PIP5KL1: variants seen among roughly 807,000 people sequenced by gnomAD.
PIP5KL1 encodes phosphatidylinositol-4-phosphate 5-kinase like 1, also known as phosphatidylinositol 4-phosphate 5-kinase-like protein 1.
PIP5KL1 carries 45 observed loss-of-function variants against 47.6 expected under a neutral mutation model. The observed-to-expected ratio is 0.94, with a 90% confidence interval of 0.74 to 1.21. The LOEUF is 1.21. Ranked by LOEUF, PIP5KL1 falls within the 50% of genes most tolerant of loss-of-function variation. The probability of loss-of-function intolerance (pLI) is 0.00; values close to 1 mark genes in which losing one functional copy is unlikely to be tolerated. For missense variants in PIP5KL1, 577 were observed against 547.6 expected (o/e 1.05, Z -0.54); for synonymous variants, 256 against 234.6 (o/e 1.09, Z -0.84).
At chr9:127,922,488 A>C (rs555972206) in intron 9 of PIP5KL1, among the ~76,000 whole-genome samples, 3 of 152,160 alleles carry the variant, frequency 2.0e-5, no homozygotes, top group East Asian at 1.9e-4. Flanking sequence ...ACCTGAGGTC[A>C]GAAGTCGGAG....
intron 9 of PIP5KL1, among the ~76,000 whole-genome samples, chr9:127,924,452 CT>C (rs1388659673): frequency 8.1e-5 from 12 of 148,708 alleles, no homozygotes; most frequent in Admixed American, 6.8e-4. Context: ...GATCGCGCCA[CT>C]GTACTCCAGC....
At position 127,928,051 on chromosome 9, in the gene PIP5KL1, T is replaced by G; in HGVS notation, c.434+14A>C. The stretch of plus-strand genomic sequence containing the variant: ...ACCACTCCCACCCCTGCCCCACCCC[T>G]GCCGCAAGCTCACGACAGGAAGAAG... On this transcript the variant is annotated intron_variant, in intron 4 of 9. Coordinates refer to ENST00000388747, the MANE Select transcript of PIP5KL1 (RefSeq NM_001135219.2). 3.1e-6 allele frequency: 3 copies of G among 955,536 alleles called. No homozygotes were observed. The highest frequency in any genetic ancestry group is 3.1e-6 in the Non-Finnish European group (2 of 646,176). 59.2% of individuals were successfully genotyped at this position (955,536 alleles called of 1,614,324 possible). A position where few individuals can be genotyped will look rare whatever the true frequency, so the allele number is the denominator to read the frequency against.
At position 127,920,886 on chromosome 9, in the gene PIP5KL1, T is replaced by C. The variant is rs1239552902; in HGVS notation, c.*961A>G. The C allele has an allele frequency of 6.6e-6, 1 of 152,188 alleles. No individual in the cohort carries two copies. The highest frequency in any genetic ancestry group is 1.5e-5 in the Non-Finnish European group (1 of 68,050). The allele number at this position is 152,188 out of a possible 1,614,324, so 9.4% of individuals were successfully genotyped here. A position where few individuals can be genotyped will look rare whatever the true frequency, so the allele number is the denominator to read the frequency against. ...AGCAGAGGGCCTGTCACATGGCAGGTGCTCAACAAATATTTAATGAGTTAA... is the reference window on the plus strand; with the variant it reads ...AGCAGAGGGCCTGTCACATGGCAGGCGCTCAACAAATATTTAATGAGTTAA... On this transcript the variant is annotated 3_prime_UTR_variant, in exon 10 of 10. Transcript: ENST00000388747.
Position 127,929,379 on chromosome 9 carries a change from C to G in PIP5KL1, c.228+309G>C, listed in dbSNP as rs1002381954. On this transcript the variant is annotated intron_variant, in intron 2 of 9. Transcript: ENST00000388747. This position sits in a 1 kb window ranked among gnomAD's most constrained non-coding sequence, Gnocchi z 4.0. Reference sequence around the variant, plus strand: ...GTCCCTTTTCAACCATATACCCTGGCAGGGCTGGGAGGGCCTCAGAAACCA... The same window carrying G: ...GTCCCTTTTCAACCATATACCCTGGGAGGGCTGGGAGGGCCTCAGAAACCA... 1.3e-5 allele frequency among the ~76,000 whole-genome samples: 2 copies of G among 151,964 alleles called. No individual in the cohort carries two copies. The highest frequency in any genetic ancestry group is 2.9e-5 in the Non-Finnish European group (2 of 67,982).
intron 2 of PIP5KL1, among the ~76,000 whole-genome samples, chr9:127,928,951 AACAGC>A (rs1831401884): frequency 6.6e-6 from 1 of 152,178 alleles, no homozygotes; most frequent in South Asian, 2.1e-4. Context: ...CACCAGTAGA[AACAGC>A]ACTGGTGGCT....
At position 127,927,947 on chromosome 9, in the gene PIP5KL1, T is replaced by C. The variant is rs1230428850; in HGVS notation, c.434+118A>G. 5.5e-6 allele frequency: 8 copies of C among 1,442,414 alleles called. No individual in the cohort carries two copies. The Admixed American group carries it at 2.2e-4, about 40-fold the overall frequency. 89.4% of individuals were successfully genotyped at this position (1,442,414 alleles called of 1,614,324 possible). ...TCTGTCCACCATCCGGCCCTGACCC[T>C]CCCAGATTAGGGCCGCTCTGTTTCT... On this transcript the variant is annotated intron_variant, in intron 4 of 9. Coordinates refer to ENST00000388747, the MANE Select transcript of PIP5KL1 (RefSeq NM_001135219.2). This position sits in a 1 kb window ranked among gnomAD's most constrained non-coding sequence, Gnocchi z 5.5.
In PIP5KL1 at chr9:127,929,084, C is replaced by A. The variant is rs552699685; in HGVS notation, c.229-601G>T. ...GCTGAGTATTGGGGAGCCATGGAAG[C>A]TTTTCAGCAGGTGATGAGGTCAGTT... On this transcript the variant is annotated intron_variant, in intron 2 of 9. Coordinates refer to ENST00000388747, the MANE Select transcript of PIP5KL1 (RefSeq NM_001135219.2). This position sits in a 1 kb window ranked among gnomAD's most constrained non-coding sequence, Gnocchi z 4.0. 6.6e-6 allele frequency among the ~76,000 whole-genome samples: 1 copy of A among 152,310 alleles called. No homozygotes were observed. The highest frequency in any genetic ancestry group is 1.9e-4 in the East Asian group (1 of 5,192).
chr9:127,921,809 C>T lies in PIP5KL1; in HGVS notation c.*38G>A, dbSNP rs765605360. On this transcript the variant is annotated 3_prime_UTR_variant, in exon 10 of 10. Transcript: ENST00000388747. ...GGGGAACCGGCGTTCCTGGCGTGAG[C>T]CCATCGTCCAGATCCGGAGAGTGGG... 6.5e-7 allele frequency: 1 copy of T among 1,542,712 alleles called. No homozygotes were observed. Among genetic ancestry groups the T allele is most frequent in the Non-Finnish European group, 8.7e-7 (1 of 1,148,258 alleles).
At chr9:127,925,824 C>T (rs779406645) in intron 8 of PIP5KL1, 43 bp downstream of exon 8, 1 of 1,511,518 alleles carries the variant, frequency 6.6e-7, no homozygotes, top group Non-Finnish European at 9.2e-7. Flanking sequence ...AAACTTCACC[C>T]TGAATGAAGG....
chr9:127,924,028 G>A (rs1180541828), intron 9 of PIP5KL1, among the ~76,000 whole-genome samples: 13 of 152,208 alleles, frequency 8.5e-5, no homozygotes, highest in African/African-American at 1.4e-4. Flanking sequence ...TGACGTCAGC[G>A]TCCTGGAAGT....
In PIP5KL1 at chr9:127,927,560, A is replaced by G. The variant is rs2131639953; in HGVS notation, c.559+88T>C. 3.4e-6 allele frequency: 3 copies of G among 892,686 alleles called. No homozygotes were observed. In the East Asian group the frequency reaches 3.9e-4, roughly 117 times the overall value. 55.3% of individuals were successfully genotyped at this position (892,686 alleles called of 1,614,324 possible). ...ATGCCCTACAACCCCAAATCCGCCCATTTGGGCCCCGCCCACATACCCCGC... is the reference window on the plus strand; with the variant it reads ...ATGCCCTACAACCCCAAATCCGCCCGTTTGGGCCCCGCCCACATACCCCGC... On this transcript the variant is annotated intron_variant, in intron 5 of 9. Transcript: ENST00000388747. The surrounding 1 kb of genome is among the most constrained non-coding windows in gnomAD (Gnocchi z 5.5).
At chr9:127,925,033 TC>T (rs1313317618) in intron 9 of PIP5KL1, 73 bp downstream of exon 9, 1 of 1,560,920 alleles carries the variant, frequency 6.4e-7, no homozygotes, top group Admixed American at 1.8e-5. Context: ...CCCGGTGCAC[TC>T]CCATGCCCCC....
rs1564139359 is a variant in PIP5KL1 at position 127,929,885 on chromosome 9, C to G, written c.31G>C (p.Val11Leu). 3 of 1,525,170 alleles carry G rather than the reference C, an allele frequency of 2.0e-6. No homozygotes were observed. The highest frequency in any genetic ancestry group is 2.6e-6 in the Non-Finnish European group (3 of 1,135,188). 94.5% of individuals were successfully genotyped at this position (1,525,170 alleles called of 1,614,324 possible). The change falls in exon 2 of 10, where the codon GTC becomes CTC. Residue 11 changes from valine (V) to leucine (L), a missense_variant and splice_region_variant. Coordinates refer to ENST00000388747, the MANE Select transcript of PIP5KL1 (RefSeq NM_001135219.2). This position sits in a 1 kb window ranked among gnomAD's most constrained non-coding sequence, Gnocchi z 4.0. ...CCAGCCTCAGGGGAGGGGGCCAGGA[C>G]CTGGTGGGAGGAGGCACAGGACACA... MAAPSPGPRE[V>L]LAPSPEAGCR...
At chr9:127,925,653 A>G in intron 8 of PIP5KL1, 1 of 557,070 alleles carries the variant, frequency 1.8e-6, no homozygotes, top group Non-Finnish European at 3.2e-6. Context: ...TTTCGTAGAG[A>G]CAGAGTTTCA....
Position 127,925,270 on chromosome 9 carries a change from C to T in PIP5KL1, c.764-10G>A. On this transcript the variant is annotated splice_polypyrimidine_tract_variant and intron_variant, in intron 8 of 9. Transcript: ENST00000388747. Reference sequence around the variant, plus strand: ...CAGCTCCGCTGGGGCCCTGCCGGAGCATCAGTGCCCCCACCTGAGCGCTCA... The same window carrying T: ...CAGCTCCGCTGGGGCCCTGCCGGAGTATCAGTGCCCCCACCTGAGCGCTCA... 1.1e-5 allele frequency: 18 copies of T among 1,610,510 alleles called. No individual in the cohort carries two copies. Among genetic ancestry groups the T allele is most frequent in the Non-Finnish European group, 1.5e-5 (18 of 1,179,868 alleles).
Position 127,922,032 on chromosome 9 carries a change from T to C in PIP5KL1, c.1000A>G (p.Ile334Val). 6.4e-7 allele frequency: 1 copy of C among 1,574,642 alleles called. No individual in the cohort carries two copies. Among genetic ancestry groups the C allele is most frequent in the Non-Finnish European group, 8.6e-7 (1 of 1,161,340 alleles). The change falls in exon 10 of 10, where the codon ATC becomes GTC. Residue 334 changes from isoleucine to valine, a missense_variant. Physicochemically the swap from Ile to Val is conservative, Grantham distance 29 (BLOSUM62 3). Transcript: ENST00000388747. ...TAGCGCTGCTCGGGCCCGTCCAGGATGTGTAGGGCGTTGGGGGCGTCGGGC... is the reference window on the plus strand; with the variant it reads ...TAGCGCTGCTCGGGCCCGTCCAGGACGTGTAGGGCGTTGGGGGCGTCGGGC... Reference protein sequence around the residue: ...LLPDAPNALHILDGPEQRYFL... With the variant: ...LLPDAPNALHVLDGPEQRYFL...
Position 127,929,839 on chromosome 9 carries a change from C to T in PIP5KL1, c.77G>A (p.Ser26Asn), listed in dbSNP as rs1301524626. 4 of 1,546,640 alleles carry T rather than the reference C, an allele frequency of 2.6e-6. No homozygotes were observed. Among genetic ancestry groups the T allele is most frequent in the Admixed American group, 3.9e-5 (2 of 51,002 alleles). Residue 26 changes from serine (S) to asparagine (N), a missense_variant, in exon 2 of 10, where the codon AGC becomes AAC. Ser to Asn is a conservative substitution (Grantham distance 46). Transcript: ENST00000388747. The surrounding 1 kb of genome is among the most constrained non-coding windows in gnomAD (Gnocchi z 4.0). ...GAGGCGCCAGAGAAGCCCCCGCCGG[C>T]TGGAGGTGACTGCTCTGCATCCAGC... ...PEAGCRAVTS[S>N]RRGLLWRLRD... is the part of the protein sequence containing the mutation.
At chr9:127,922,436 G>C (rs1370109430) in intron 9 of PIP5KL1, among the ~76,000 whole-genome samples, 1 of 152,136 alleles carries the variant, frequency 6.6e-6, no homozygotes, top group African/African-American at 2.4e-5. Context: ...AGTGGCTCAC[G>C]CCTGTAATCC....
chr9:127,928,380 G>A, intron 3 of PIP5KL1, 53 bp downstream of exon 3: 2 of 1,561,620 alleles, frequency 1.3e-6, no homozygotes, highest in South Asian at 1.2e-5. Flanking sequence ...AACTGCAGAG[G>A]AGAGAGCAAG....
Sources: gnomAD v4.1 joint callset for allele counts (sites outside exome capture counted in the v4.1 genomes callset) on GRCh38, gnomAD v4.1.1 for gene constraint, Gnocchi (gnomAD v3.1) non-coding constraint, MANE v1.5 for transcripts, NCBI Gene and HGNC (gene_info 2026-07-23, HGNC 2026-07-21) for gene names.